The following PTPRT variants were observed in gnomAD, a reference collection of about 807,000 sequenced individuals.
PTPRT encodes the protein receptor-type tyrosine-protein phosphatase T.
Under a neutral mutation model 176.8 loss-of-function variants are expected in PTPRT, and 56 were observed. The observed-to-expected ratio is 0.32, with a 90% CI of 0.26 to 0.40. The LOEUF is 0.40. Ranked by LOEUF, PTPRT falls within the 10% of genes least tolerant of loss-of-function variation. The pLI, the probability that PTPRT is intolerant of heterozygous loss-of-function variation, is 1.00. For synonymous variants in PTPRT, 783 were observed against 739.0 expected, an observed-to-expected ratio of 1.06 and a Z score of -0.96; for missense variants, 1,540 against 1,908.2, an observed-to-expected ratio of 0.81 and a Z score of 3.60.
Position 42,106,932 on chromosome 20 carries a change from G to C in PTPRT, c.3255-11C>G. Reference sequence around the variant, plus strand: ...CGCCCAGCCCCAGCACTGGAAGAGAGGTATGGTCTGTGTTAAGGATCTTCA... The same window carrying C: ...CGCCCAGCCCCAGCACTGGAAGAGACGTATGGTCTGTGTTAAGGATCTTCA... On this transcript the variant is annotated splice_polypyrimidine_tract_variant and intron_variant, in intron 23 of 30. Transcript: ENST00000373187. 1 of 1,613,616 alleles carries C rather than the reference G, an allele frequency of 6.2e-7. No individual in the cohort carries two copies. Among genetic ancestry groups the C allele is most frequent in the Non-Finnish European group, 8.5e-7 (1 of 1,179,752 alleles).
intron 1 of PTPRT, among the ~76,000 whole-genome samples, chr20:43,138,453 G>A (rs936760663): frequency 3.3e-5 from 5 of 152,196 alleles, no homozygotes; most frequent in African/African-American, 9.7e-5. Context: ...CTGTCTCCAT[G>A]AGCCTCAGTT....
At chr20:42,561,349 A>C (rs1398943061) in intron 7 of PTPRT, among the ~76,000 whole-genome samples, 1 of 152,210 alleles carries the variant, frequency 6.6e-6, no homozygotes. Flanking sequence ...GGACTCTAGA[A>C]GGCAGCAGGG....
chr20:42,486,284 CT>C (rs1262660308), intron 7 of PTPRT, among the ~76,000 whole-genome samples: 1 of 152,162 alleles, frequency 6.6e-6, no homozygotes, highest in African/African-American at 2.4e-5. Flanking sequence ...ACTTTTCCTC[CT>C]TGACTTTCAT....
intron 12 of PTPRT, among the ~76,000 whole-genome samples, chr20:42,295,338 T>C (rs2057372174): frequency 6.6e-6 from 1 of 152,198 alleles, no homozygotes; most frequent in Admixed American, 6.5e-5. Context: ...AAAGTATTAA[T>C]ATTAACCAAG....
At chr20:42,351,503 T>C (rs1600874356) in intron 10 of PTPRT, among the ~76,000 whole-genome samples, 1 of 152,156 alleles carries the variant, frequency 6.6e-6, no homozygotes, top group East Asian at 1.9e-4. Flanking sequence ...AAAAACATGT[T>C]TTTCTGGAAA....
chr20:42,631,444 A>C (rs1356942925), intron 7 of PTPRT, among the ~76,000 whole-genome samples: 2 of 152,162 alleles, frequency 1.3e-5, no homozygotes, highest in Non-Finnish European at 2.9e-5. Context: ...GTTCCCTGAG[A>C]AGCAGACTCT....
intron 7 of PTPRT, among the ~76,000 whole-genome samples, chr20:42,665,446 G>T (rs973118755): frequency 1.3e-5 from 2 of 151,878 alleles, no homozygotes; most frequent in African/African-American, 4.8e-5. Flanking sequence ...GGAAACAACA[G>T]GTGCTGGAGA....
chr20:42,175,858 T>G (rs567503342), intron 16 of PTPRT, among the ~76,000 whole-genome samples: 27 of 152,304 alleles, frequency 1.8e-4, no homozygotes, highest in African/African-American at 5.5e-4. Context: ...ATGTTAATAG[T>G]AGAATCTAGG....
rs200533406 is a variant in PTPRT, at chr20:43,091,495, C to T, written c.88+98151G>A. On this transcript the variant is annotated intron_variant, in intron 1 of 30. Coordinates refer to ENST00000373187, the MANE Select transcript of PTPRT (RefSeq NM_007050.6). Reference sequence around the variant, plus strand: ...TTTCTCTCTCTCTCTCTCTCTATTTCTCTCTCTCTCTCTCCCCCCTCTCTT... The same window carrying T: ...TTTCTCTCTCTCTCTCTCTCTATTTTTCTCTCTCTCTCTCCCCCCTCTCTT... 4.8e-3 allele frequency among the ~76,000 whole-genome samples: 316 copies of T among 65,306 alleles called. 2 individuals are homozygous for T. The highest frequency in any genetic ancestry group is 7.1e-3 in the Admixed American group (39 of 5,522). 42.8% of individuals were successfully genotyped at this position (65,306 alleles called of 152,430 possible).
At chr20:42,583,763 T>C (rs572002206) in intron 7 of PTPRT, among the ~76,000 whole-genome samples, 2 of 152,250 alleles carry the variant, frequency 1.3e-5, no homozygotes, top group Non-Finnish European at 2.9e-5. Context: ...TGTAAACCTA[T>C]ATAATATATT....
chr20:42,259,579 G>T (rs2056711187), intron 13 of PTPRT, among the ~76,000 whole-genome samples: 1 of 152,224 alleles, frequency 6.6e-6, no homozygotes, highest in Admixed American at 6.5e-5. Context: ...GTAAGACTAA[G>T]ACCTTAAGCT....
At chr20:42,168,600 G>A (rs1989935404) in intron 16 of PTPRT, among the ~76,000 whole-genome samples, 1 of 152,158 alleles carries the variant, frequency 6.6e-6, no homozygotes, top group Non-Finnish European at 1.5e-5. Context: ...TGTGCAGGAA[G>A]ATATATATTT....
At chr20:42,038,382 G>C in the PTPRT span, among the ~76,000 whole-genome samples, 31 of 152,204 alleles carry the variant, frequency 2.0e-4, no homozygotes, top group Middle Eastern at 3.2e-3. Flanking sequence ...AGACTTCCAA[G>C]AGAAGTGTTA....
At chr20:42,449,944 G>A (rs1309355969) in intron 8 of PTPRT, among the ~76,000 whole-genome samples, 1 of 151,936 alleles carries the variant, frequency 6.6e-6, no homozygotes, top group Non-Finnish European at 1.5e-5. Context: ...AAAAAGATAT[G>A]CCTATGCATA....
chr20:42,930,843 C>A (rs1341806463), intron 1 of PTPRT, among the ~76,000 whole-genome samples: 1 of 152,172 alleles, frequency 6.6e-6, no homozygotes, highest in Non-Finnish European at 1.5e-5. Context: ...ACCATAGCTA[C>A]CACATGTACC....
chr20:42,889,518 A>G (rs377283130), intron 1 of PTPRT, among the ~76,000 whole-genome samples: 73 of 152,334 alleles, frequency 4.8e-4, no homozygotes, highest in African/African-American at 1.6e-3. Context: ...TGACTTATGC[A>G]TTCAGGACAG....
intron 2 of PTPRT, among the ~76,000 whole-genome samples, chr20:42,795,462 CCT>C (rs2077440777): frequency 1.3e-5 from 2 of 152,356 alleles, no homozygotes; most frequent in South Asian, 4.1e-4. Flanking sequence ...GATTGCATTT[CCT>C]CACGTCGGCA....
chr20:42,544,838 G>C (rs1190572327), intron 7 of PTPRT, among the ~76,000 whole-genome samples: 1 of 152,142 alleles, frequency 6.6e-6, no homozygotes, highest in Non-Finnish European at 1.5e-5. Context: ...ATTCTTAAGA[G>C]AGACAAGGTC....
At chr20:42,570,262 C>T (rs990830251) in intron 7 of PTPRT, among the ~76,000 whole-genome samples, 2 of 152,176 alleles carry the variant, frequency 1.3e-5, no homozygotes, top group Admixed American at 1.3e-4. Flanking sequence ...GGAAACCCGC[C>T]GTGTCCCTGC....
Sources: allele counts gnomAD v4.1 joint callset (sites outside exome capture counted in the v4.1 genomes callset), GRCh38; gene constraint gnomAD v4.1.1; transcripts MANE v1.5; gene names NCBI Gene and HGNC (gene_info 2026-07-23, HGNC 2026-07-21).